The following TRAPPC8 variants were observed in gnomAD, a reference collection of about 807,000 sequenced individuals.
TRAPPC8 encodes the protein trafficking protein particle complex subunit 8.
Under a neutral mutation model 174.3 loss-of-function variants are expected in TRAPPC8, and 54 were observed. The observed-to-expected ratio is 0.31, with a 90% CI of 0.25 to 0.39. TRAPPC8 has a LOEUF of 0.39. Ranked by LOEUF, TRAPPC8 falls within the 10% of genes least tolerant of loss-of-function variation. TRAPPC8 has a pLI of 1.00. For missense variants in TRAPPC8, 1,531 were observed against 1,699.1 expected (o/e 0.90, Z 1.74); for synonymous variants, 630 against 579.9 (o/e 1.09, Z -1.24).
rs138821044 is a variant in TRAPPC8 at position 31,886,852 on chromosome 18, G to C, written c.1728+3883C>G. Among the ~76,000 whole-genome samples the C allele has an allele frequency of 7.1e-3, 1,083 of 152,082 alleles. 14 individuals are homozygous for C. The highest frequency in any genetic ancestry group is 0.025 in the African/African-American group (1,038 of 41,480). ...AAAAAGTAGCCAGGAGTGGTGGCAC[G>C]TACCCGTAGTCCCAGCTACTCAGGA... On this transcript the variant is annotated intron_variant, in intron 12 of 28. Transcript: ENST00000283351.
rs781208536 is a variant in TRAPPC8 at position 31,857,600 on chromosome 18, C to T, written c.3128G>A (p.Gly1043Asp). 1.2e-6 allele frequency: 2 copies of T among 1,612,394 alleles called. No homozygotes were observed. The highest frequency in any genetic ancestry group is 1.7e-6 in the Non-Finnish European group (2 of 1,179,394). ...AAACAAAAAGTTAATTTCATGGACA[C>T]CTTCTTCATCAGGCCCACGTAACCA... The part of the protein sequence containing the change: ...PMWLRGPDEE[G>D]VHEINFLFYY... The change falls in exon 20 of 29, where the codon GGT (glycine) becomes GAT (aspartate). Residue 1043 changes from glycine (G) to aspartate (D), a missense_variant. Physicochemically the swap from Gly to Asp is moderately conservative, Grantham distance 94 (BLOSUM62 -1). Coordinates refer to ENST00000283351, the MANE Select transcript of TRAPPC8 (RefSeq NM_014939.5).
At chr18:31,902,921 C>CA (rs2036498956) in intron 9 of TRAPPC8, among the ~76,000 whole-genome samples, 1 of 151,778 alleles carries the variant, frequency 6.6e-6, no homozygotes, top group Non-Finnish European at 1.5e-5. Context: ...AGGTGGCGGG[C>CA]GCCTGTAGTC....
chr18:31,874,320 A>G, intron 13 of TRAPPC8, 160 bp downstream of exon 13: 1 of 667,876 alleles, frequency 1.5e-6, no homozygotes, highest in Admixed American at 2.9e-5. Flanking sequence ...GGGCAATGTA[A>G]CCAAGATCTA....
chr18:31,864,279 T>C (rs1171416930), intron 19 of TRAPPC8, among the ~76,000 whole-genome samples: 1 of 151,894 alleles, frequency 6.6e-6, no homozygotes, highest in African/African-American at 2.4e-5. Context: ...TTTATTCAGA[T>C]GCTTCTACAT....
intron 12 of TRAPPC8, among the ~76,000 whole-genome samples, chr18:31,890,481 A>T (rs1222243000): frequency 6.6e-6 from 1 of 152,204 alleles, no homozygotes; most frequent in Non-Finnish European, 1.5e-5. Flanking sequence ...TAACCTAACC[A>T]AAATTTGGAT....
chr18:31,890,710 T>G, intron 12 of TRAPPC8, 25 bp downstream of exon 12: 1 of 1,587,198 alleles, frequency 6.3e-7, no homozygotes, highest in Non-Finnish European at 8.5e-7. Context: ...ATAGCAACTT[T>G]TCATTGTAAA....
At chr18:31,932,155 C>A (rs372947876) in intron 1 of TRAPPC8, among the ~76,000 whole-genome samples, 1 of 152,022 alleles carries the variant, frequency 6.6e-6, no homozygotes, top group Admixed American at 6.6e-5. Context: ...TCTGGCCAGG[C>A]GCGGTGGCTC....
intron 18 of TRAPPC8, 138 bp from the exon 19 acceptor site, chr18:31,864,919 A>G (rs1331870821): frequency 1.3e-6 from 1 of 779,240 alleles, no homozygotes; most frequent in Admixed American, 3.3e-5. Flanking sequence ...ATGATTAATC[A>G]AAGAATTTAG....
At position 31,942,591 on chromosome 18, in the gene TRAPPC8, G is replaced by A. The variant is rs761484402; in HGVS notation, c.157+17C>T. ...GGCTTTGCGGGAGCCCACTGGAAAA[G>A]GGAGGATACCACATACCCTCGGAAG... On this transcript the variant is annotated intron_variant, in intron 1 of 28. Coordinates refer to ENST00000283351, the MANE Select transcript of TRAPPC8 (RefSeq NM_014939.5). 3.9e-6 allele frequency: 6 copies of A among 1,520,520 alleles called. No homozygotes were observed. The South Asian group carries it at 7.3e-5, about 18-fold the overall frequency. 94.2% of individuals were successfully genotyped at this position (1,520,520 alleles called of 1,614,324 possible). A position where few individuals can be genotyped will look rare whatever the true frequency, so the allele number is the denominator to read the frequency against.
intron 9 of TRAPPC8, among the ~76,000 whole-genome samples, chr18:31,905,671 G>A (rs2036627113): frequency 6.6e-6 from 1 of 152,142 alleles, no homozygotes. Context: ...GTTTCAAGAA[G>A]ACTAACCCAG....
intron 11 of TRAPPC8, among the ~76,000 whole-genome samples, chr18:31,892,938 G>A (rs2145371535): frequency 6.6e-6 from 1 of 151,662 alleles, no homozygotes; most frequent in Admixed American, 6.6e-5. Context: ...AATCACCTGA[G>A]CCTGGGAGGC....
At chr18:31,917,761 A>T in intron 2 of TRAPPC8, 94 bp from the exon 3 acceptor site, 1 of 1,114,118 alleles carries the variant, frequency 9.0e-7, no homozygotes, top group South Asian at 1.4e-5. Context: ...AAAGGTATAA[A>T]AAAAAAATTT....
chr18:31,890,966 C>G (rs2035929379), intron 11 of TRAPPC8, 100 bp from the exon 12 acceptor site: 5 of 1,139,760 alleles, frequency 4.4e-6, no homozygotes, highest in Non-Finnish European at 5.9e-6. Flanking sequence ...TATAGCATAT[C>G]CAATGTTTAA....
In TRAPPC8 at chr18:31,830,639, T is replaced by G. The variant is rs758175261; in HGVS notation, c.*116A>C. ...CAACAAAATGACAAGTCAAAGTATT[T>G]TGCAGGGATCAGATATCAATCAACC... is the stretch of plus-strand genomic sequence containing the variant. On this transcript the variant is annotated 3_prime_UTR_variant, in exon 29 of 29. Coordinates refer to ENST00000283351, the MANE Select transcript of TRAPPC8 (RefSeq NM_014939.5). 2 of 808,072 alleles carry G rather than the reference T, an allele frequency of 2.5e-6. No homozygotes were observed. Among genetic ancestry groups the G allele is most frequent in the South Asian group, 1.8e-5 (1 of 54,170 alleles). 50.1% of individuals were successfully genotyped at this position (808,072 alleles called of 1,614,324 possible).
chr18:31,841,788 T>G (rs1272940916), intron 26 of TRAPPC8, among the ~76,000 whole-genome samples: 1 of 152,210 alleles, frequency 6.6e-6, no homozygotes, highest in East Asian at 1.9e-4. Flanking sequence ...CCAAATACCT[T>G]ATGAATGGTA....
chr18:31,852,800 GTTT>G, intron 22 of TRAPPC8, 137 bp from the exon 23 acceptor site: 1 of 747,408 alleles, frequency 1.3e-6, no homozygotes, highest in Non-Finnish European at 2.2e-6. Context: ...GAACATCTTT[GTTT>G]TTATCTCAAT....
chr18:31,856,468 G>C (rs1598614111), intron 20 of TRAPPC8, among the ~76,000 whole-genome samples: 1 of 22,886 alleles, frequency 4.4e-5, no homozygotes, highest in Non-Finnish European at 1.0e-4. Flanking sequence ...TCTTAAGTGA[G>C]GCCCACCTCA....
chr18:31,900,053 C>T (rs1452037447), intron 10 of TRAPPC8, among the ~76,000 whole-genome samples: 3 of 151,806 alleles, frequency 2.0e-5, no homozygotes, highest in African/African-American at 7.3e-5. Flanking sequence ...GCCTGGCAAA[C>T]ATGGTGAAAT....
chr18:31,875,151 T>G (rs1233211753), intron 12 of TRAPPC8, among the ~76,000 whole-genome samples: 2 of 152,100 alleles, frequency 1.3e-5, no homozygotes, highest in African/African-American at 4.8e-5. Flanking sequence ...ATGAAAAAAA[T>G]GTTCTCATAC....
Sources: allele counts gnomAD v4.1 joint callset (sites outside exome capture counted in the v4.1 genomes callset), GRCh38; gene constraint gnomAD v4.1.1; transcripts MANE v1.5; gene names NCBI Gene and HGNC (gene_info 2026-07-23, HGNC 2026-07-21).